Variants in LIMD1 observed in about 807,000 individuals in gnomAD.
The protein encoded by LIMD1 is LIM domain containing 1.
In LIMD1, 23 loss-of-function variants were observed where a neutral mutation model predicts 58.4. The observed-to-expected ratio is 0.39, with a 90% CI of 0.28 to 0.56. The LOEUF is 0.56. LIMD1 is among the 20% of genes least tolerant of loss of function. The probability of loss-of-function intolerance (pLI) is 0.57; values close to 1 mark genes in which losing one functional copy is unlikely to be tolerated. For missense variants in LIMD1, 838 were observed against 855.5 expected, an observed-to-expected ratio of 0.98 and a Z score of 0.25; for synonymous variants, 334 against 345.5, an observed-to-expected ratio of 0.97 and a Z score of 0.37.
At chr3:45,649,512 T>G (rs891571422) in intron 2 of LIMD1, among the ~76,000 whole-genome samples, 1 of 151,292 alleles carries the variant, frequency 6.6e-6, no homozygotes, top group Non-Finnish European at 1.5e-5. Flanking sequence ...AAACCCCGTC[T>G]CTACTAAAAA....
At chr3:45,614,615 G>C (rs544005567) in intron 1 of LIMD1, among the ~76,000 whole-genome samples, 1 of 151,560 alleles carries the variant, frequency 6.6e-6, no homozygotes, top group African/African-American at 2.4e-5. Flanking sequence ...TCCAGGTACC[G>C]GGGAGGCTGA....
In LIMD1 at chr3:45,594,842, C is replaced by G. The variant is rs1307393500; in HGVS notation, c.-38C>G. ...ACACACACACACACACACACACACA[C>G]ACGGCACCTGGGCTAGGCCCGGACA... On this transcript the variant is annotated 5_prime_UTR_variant, in exon 1 of 8. Transcript: ENST00000273317. The G allele has an allele frequency of 2.2e-6, 3 of 1,364,962 alleles. No homozygotes were observed. In the East Asian group the frequency reaches 7.0e-5, roughly 32 times the overall value. 84.6% of individuals were successfully genotyped at this position (1,364,962 alleles called of 1,614,324 possible). A position where few individuals can be genotyped will look rare whatever the true frequency, so the allele number is the denominator to read the frequency against.
intron 1 of LIMD1, among the ~76,000 whole-genome samples, chr3:45,609,822 GT>G (rs149688463): frequency 0.013 from 2,014 of 152,292 alleles, 61 homozygotes; most frequent in African/African-American, 0.046. Context: ...TGGTAGTGGG[GT>G]TTTTGTCTGT....
chr3:45,624,677 T>C (rs2125655038), intron 1 of LIMD1, among the ~76,000 whole-genome samples: 1 of 152,078 alleles, frequency 6.6e-6, no homozygotes, highest in Admixed American at 6.5e-5. Flanking sequence ...GAGCCAAGAT[T>C]GCGCCACTGC....
intron 1 of LIMD1, among the ~76,000 whole-genome samples, chr3:45,608,442 A>G (rs1364032252): frequency 1.3e-5 from 2 of 152,192 alleles, no homozygotes; most frequent in African/African-American, 2.4e-5. Flanking sequence ...TTGCTTGCAG[A>G]GAAGCCCACT....
chr3:45,656,382 C>A (rs745908219), intron 2 of LIMD1, among the ~76,000 whole-genome samples: 1 of 150,370 alleles, frequency 6.7e-6, no homozygotes, highest in South Asian at 2.1e-4. Context: ...GACCTGGGTT[C>A]GAATCTCAAC....
At chr3:45,598,319 T>G (rs1046397424) in intron 1 of LIMD1, among the ~76,000 whole-genome samples, 2 of 152,242 alleles carry the variant, frequency 1.3e-5, no homozygotes, top group Admixed American at 1.3e-4. Flanking sequence ...CCTCAGCACA[T>G]TCCCACATTT....
rs1701667265 is a variant in LIMD1, at chr3:45,626,247, C to T, written c.1409-9903C>T. Reference sequence around the variant, plus strand: ...CAGCAGTCACCGTCCTTGGTATTTACCCAAATGAGTTGAAAACTTATGTCC... The same window carrying T: ...CAGCAGTCACCGTCCTTGGTATTTATCCAAATGAGTTGAAAACTTATGTCC... On this transcript the variant is annotated intron_variant, in intron 1 of 7. Coordinates refer to ENST00000273317, the MANE Select transcript of LIMD1 (RefSeq NM_014240.3). Among the ~76,000 whole-genome samples the T allele has an allele frequency of 1.3e-5, 2 of 152,268 alleles. 1 individual carries two copies. Among genetic ancestry groups the T allele is most frequent in the South Asian group, 4.1e-4 (2 of 4,824 alleles).
chr3:45,595,835 G>C lies in LIMD1; in HGVS notation c.956G>C (p.Gly319Ala), dbSNP rs1042175271. The C allele has an allele frequency of 1.9e-6, 3 of 1,614,204 alleles. No individual in the cohort carries two copies. The highest frequency in any genetic ancestry group is 1.7e-6 in the Non-Finnish European group (2 of 1,180,038). The change falls in exon 1 of 8, where the codon GGG (glycine) becomes GCG (alanine). Residue 319 changes from glycine (G) to alanine (A), a missense_variant. Physicochemically the swap from Gly to Ala is moderately conservative, Grantham distance 60. Around this residue, in one of 3 missense-constraint regions of LIMD1, gnomAD observed 659 missense variants for 639.8 expected, o/e 1.03. Coordinates refer to ENST00000273317, the MANE Select transcript of LIMD1 (RefSeq NM_014240.3). ...CTTCCAAGATCAAACTCGGGGCTGG[G>C]GGGTGAGGTTTCAGGTGTGATGTCC... is the stretch of plus-strand genomic sequence containing the variant. ...GGLPRSNSGL[G>A]GEVSGVMSKP...
chr3:45,666,186 C>G (rs1315749554), intron 3 of LIMD1, among the ~76,000 whole-genome samples: 1 of 152,206 alleles, frequency 6.6e-6, no homozygotes, highest in East Asian at 1.9e-4. Context: ...GTACCAGCCC[C>G]TCACCATATT....
chr3:45,599,380 A>G (rs944944713), intron 1 of LIMD1, among the ~76,000 whole-genome samples: 4 of 152,074 alleles, frequency 2.6e-5, no homozygotes, highest in Admixed American at 6.6e-5. Flanking sequence ...TTCTGTCCCT[A>G]TGGCATTTAC....
At position 45,619,829 on chromosome 3, in the gene LIMD1, C is replaced by G. The variant is rs7431060; in HGVS notation, c.1409-16321C>G. Among the ~76,000 whole-genome samples, 5 of 5,464 alleles carry G rather than the reference C, an allele frequency of 9.2e-4. No individual in the cohort carries two copies. The East Asian group carries it at 0.13, about 144-fold the overall frequency. The allele number at this position is 5,464 out of a possible 152,430, so 3.6% of individuals were successfully genotyped here. A position where few individuals can be genotyped will look rare whatever the true frequency, so the allele number is the denominator to read the frequency against. On this transcript the variant is annotated intron_variant, in intron 1 of 7. Transcript: ENST00000273317. ...ATTAATAATAATAACCAACCCCCCG[C>G]CCCCCCCCCCAAAAAAAGCACATTT...
In LIMD1 at chr3:45,668,613, C is replaced by T. The variant is rs558770460; in HGVS notation, c.1641+257C>T. On this transcript the variant is annotated intron_variant, in intron 4 of 7. Transcript: ENST00000273317. ...ACTAAAAATACAAAAATTTTCCGGG[C>T]GTGGTGGTGCATGCCTGTAGTCCCA... Among the ~76,000 whole-genome samples the T allele has an allele frequency of 2.6e-5, 4 of 152,114 alleles. No homozygotes were observed. The East Asian group carries it at 5.8e-4, about 22-fold the overall frequency.
chr3:45,673,011 G>T (rs1697613623), intron 5 of LIMD1, among the ~76,000 whole-genome samples, 191 bp downstream of exon 5: 1 of 151,864 alleles, frequency 6.6e-6, no homozygotes, highest in Non-Finnish European at 1.5e-5. Flanking sequence ...GACAGGAATG[G>T]GTTAAAGAAT....
At chr3:45,631,788 C>T (rs761885372) in intron 1 of LIMD1, among the ~76,000 whole-genome samples, 1 of 152,302 alleles carries the variant, frequency 6.6e-6, no homozygotes, top group Non-Finnish European at 1.5e-5. Flanking sequence ...GCTGGCCACC[C>T]TGCCAGCATC....
At position 45,594,799 on chromosome 3, in the gene LIMD1, A is replaced by ACACACACACACACACAC. The variant is rs1701317427; in HGVS notation, c.-80_-64dup. The ACACACACACACACACAC allele has an allele frequency of 6.8e-4, 99 of 145,334 alleles. No individual in the cohort carries two copies. The East Asian group carries it at 0.013, about 20-fold the overall frequency. 9.0% of individuals were successfully genotyped at this position (145,334 alleles called of 1,614,324 possible). A position where few individuals can be genotyped will look rare whatever the true frequency, so the allele number is the denominator to read the frequency against. On this transcript the variant is annotated 5_prime_UTR_variant, in exon 1 of 8. Coordinates refer to ENST00000273317, the MANE Select transcript of LIMD1 (RefSeq NM_014240.3). ...CCTCAACACACACACACACACACACACACACACACACACACACACACACAC... is the reference window on the plus strand; with the variant it reads ...CCTCAACACACACACACACACACACACACACACACACACACACCACACACACACACACACACACACAC...
rs1701331242 is a variant in LIMD1 at position 45,595,161 on chromosome 3, C to T, written c.282C>T (p.Gly94=). The T allele has an allele frequency of 6.2e-7, 1 of 1,604,822 alleles. No homozygotes were observed. The highest frequency in any genetic ancestry group is 1.3e-5 in the African/African-American group (1 of 74,914). The change falls in exon 1 of 8, where the codon GGC becomes GGT. Residue 94 remains glycine, a synonymous_variant. Coordinates refer to ENST00000273317, the MANE Select transcript of LIMD1 (RefSeq NM_014240.3). ...LGPQARWEVV[G]SKLTVDGAAK... ...CACAGGCCCGTTGGGAAGTTGTGGGCAGCAAGCTGACTGTGGATGGTGCTG... is the reference window on the plus strand; with the variant it reads ...CACAGGCCCGTTGGGAAGTTGTGGGTAGCAAGCTGACTGTGGATGGTGCTG...
In LIMD1 at chr3:45,632,648, G is replaced by A. The variant is rs77262564; in HGVS notation, c.1409-3502G>A. The A allele has an allele frequency of 3.3e-3, 1,988 of 600,134 alleles. 7 individuals are homozygous for A. The highest frequency in any genetic ancestry group is 3.8e-3 in the Non-Finnish European group (1,793 of 477,864). The allele number at this position is 600,134 out of a possible 1,614,324, so 37.2% of individuals were successfully genotyped here. On this transcript the variant is annotated intron_variant, in intron 1 of 7. Transcript: ENST00000273317. The stretch of plus-strand genomic sequence containing the variant: ...TCCTTGAGCACTTGCGGAGGCCACA[G>A]TTAAGACATGGCCCTTATTCTGAAG...
At chr3:45,610,210 T>G (rs546922216) in intron 1 of LIMD1, among the ~76,000 whole-genome samples, 2 of 152,220 alleles carry the variant, frequency 1.3e-5, no homozygotes, top group East Asian at 3.9e-4. Flanking sequence ...CTCGAATGAA[T>G]ATGTGTACAC....
Sources: gnomAD v4.1 joint callset for allele counts (sites outside exome capture counted in the v4.1 genomes callset) on GRCh38, gnomAD v4.1.1 for gene constraint, gnomAD v4.1.1 regional missense constraint, MANE v1.5 for transcripts, NCBI Gene and HGNC (gene_info 2026-07-23, HGNC 2026-07-21) for gene names.